NXPE4: variants seen among roughly 807,000 people sequenced by gnomAD.
NXPE4 encodes the protein neurexophilin and PC-esterase domain family member 4, also known as NXPE family member 4.
Under a neutral mutation model 33.3 loss-of-function variants are expected in NXPE4, and 42 were observed. That is an observed-to-expected ratio of 1.26 (90% confidence interval 0.98 to 1.63). The LOEUF (loss-of-function observed/expected upper bound fraction) is 1.63, where lower values mean the gene tolerates loss of function less well. NXPE4 is among the 40% of genes most tolerant of loss of function. The pLI, the probability that NXPE4 is intolerant of heterozygous loss-of-function variation, is 0.00. For synonymous variants in NXPE4, 253 were observed against 234.9 expected, an observed-to-expected ratio of 1.08 and a Z score of -0.71; for missense variants, 709 against 647.6, an observed-to-expected ratio of 1.09 and a Z score of -1.03.
the NXPE4 span, among the ~76,000 whole-genome samples, chr11:114,647,567 T>C: frequency 6.6e-6 from 1 of 152,210 alleles, no homozygotes; most frequent in Admixed American, 6.5e-5. Context: ...AATGTGTCAC[T>C]ACTAGGTTTT....
chr11:114,612,026 G>T, the NXPE4 span, among the ~76,000 whole-genome samples: 127 of 152,070 alleles, frequency 8.4e-4, no homozygotes, highest in Non-Finnish European at 1.5e-3. Flanking sequence ...GGTAACCACT[G>T]TTACCTGGTG....
the NXPE4 span, among the ~76,000 whole-genome samples, chr11:114,661,851 G>A: frequency 5.0e-4 from 76 of 152,192 alleles, no homozygotes; most frequent in Middle Eastern, 3.2e-3. Context: ...AAAAAATTAA[G>A]ATTCTCTGTA....
the NXPE4 span, among the ~76,000 whole-genome samples, chr11:114,615,539 G>A: frequency 4.6e-5 from 7 of 151,396 alleles, no homozygotes; most frequent in Admixed American, 2.6e-4. Flanking sequence ...ACTGTTACCC[G>A]GTGGATAATA....
At chr11:114,662,946 T>C in the NXPE4 span, among the ~76,000 whole-genome samples, 3 of 152,120 alleles carry the variant, frequency 2.0e-5, no homozygotes, top group Non-Finnish European at 4.4e-5. Context: ...AGGCTTGCTC[T>C]CTATAAGTAC....
At chr11:114,626,928 G>A in the NXPE4 span, among the ~76,000 whole-genome samples, 1 of 151,986 alleles carries the variant, frequency 6.6e-6, no homozygotes, top group Non-Finnish European at 1.5e-5. Flanking sequence ...AGTGATGGAA[G>A]ATGAAATGAA....
chr11:114,661,511 A>G, the NXPE4 span, among the ~76,000 whole-genome samples: 189 of 152,288 alleles, frequency 1.2e-3, no homozygotes, highest in African/African-American at 4.3e-3. Context: ...ATTGCAACTG[A>G]TGGACTTCAA....
chr11:114,634,745 C>G, the NXPE4 span, among the ~76,000 whole-genome samples: 233 of 152,002 alleles, frequency 1.5e-3, 2 homozygotes, highest in Middle Eastern at 0.034. Context: ...GCTTGTTTTT[C>G]TCAGGTTTCT....
chr11:114,627,746 C>T, the NXPE4 span, among the ~76,000 whole-genome samples: 1 of 152,086 alleles, frequency 6.6e-6, no homozygotes, highest in African/African-American at 2.4e-5. Flanking sequence ...AGAGTCAAGA[C>T]CCATCAGTGT....
upstream of NXPE4, among the ~76,000 whole-genome samples, chr11:114,599,969 T>C (rs972784711): frequency 5.3e-5 from 8 of 152,120 alleles, no homozygotes; most frequent in Admixed American, 5.2e-4. Context: ...AATAATAGCA[T>C]AAATAAATGG....
the NXPE4 span, among the ~76,000 whole-genome samples, chr11:114,676,683 G>A: frequency 6.6e-6 from 1 of 151,954 alleles, no homozygotes; most frequent in Non-Finnish European, 1.5e-5. Flanking sequence ...CAGCCATTTT[G>A]GATAACAGTA....
the NXPE4 span, among the ~76,000 whole-genome samples, chr11:114,663,643 TC>T: frequency 8.2e-6 from 1 of 121,794 alleles, no homozygotes. Context: ...CTATCATCTA[TC>T]CATCTATCAT....
At chr11:114,638,682 A>AC in the NXPE4 span, among the ~76,000 whole-genome samples, 159 of 152,228 alleles carry the variant, frequency 1.0e-3, 1 homozygote, top group African/African-American at 3.6e-3. Flanking sequence ...TCTTTCTAAC[A>AC]GACAGGACCG....
At chr11:114,639,819 A>G in the NXPE4 span, among the ~76,000 whole-genome samples, 1 of 119,162 alleles carries the variant, frequency 8.4e-6, no homozygotes, top group Non-Finnish European at 1.6e-5. Flanking sequence ...ATAATATAAA[A>G]TATAATATAT....
At chr11:114,652,028 A>C in the NXPE4 span, among the ~76,000 whole-genome samples, 117 of 152,336 alleles carry the variant, frequency 7.7e-4, 1 homozygote, top group East Asian at 0.021. Context: ...TGGAACTCCA[A>C]AGCATTTGTT....
chr11:114,602,219 G>A, the NXPE4 span, among the ~76,000 whole-genome samples: 31 of 103,184 alleles, frequency 3.0e-4, 1 homozygote, highest in East Asian at 8.0e-3. Context: ...TACAATATAT[G>A]TTATAGATTA....
At chr11:114,670,746 T>C in the NXPE4 span, among the ~76,000 whole-genome samples, 1 of 151,828 alleles carries the variant, frequency 6.6e-6, no homozygotes, top group Admixed American at 6.6e-5. Flanking sequence ...TCAAGTTCCA[T>C]AGAGTGGAGA....
intron 2 of NXPE4, among the ~76,000 whole-genome samples, chr11:114,585,481 T>G (rs1949270666): frequency 6.6e-6 from 1 of 152,074 alleles, no homozygotes; most frequent in South Asian, 2.1e-4. Context: ...GGAGTCACTA[T>G]GCTTATATCA....
the NXPE4 span, among the ~76,000 whole-genome samples, chr11:114,654,460 T>G: frequency 1.3e-5 from 2 of 152,030 alleles, no homozygotes; most frequent in South Asian, 2.1e-4. Context: ...ATCTTCTATG[T>G]GCCCTCCCCT....
At chr11:114,665,540 T>G in the NXPE4 span, among the ~76,000 whole-genome samples, 393 of 152,296 alleles carry the variant, frequency 2.6e-3, 1 homozygote, top group Non-Finnish European at 3.6e-3. Context: ...GTTATGTACC[T>G]TTTAAAATAT....
Sources: gnomAD v4.1 joint callset for allele counts (sites outside exome capture counted in the v4.1 genomes callset) on GRCh38, gnomAD v4.1.1 for gene constraint, MANE v1.5 for transcripts, NCBI Gene and HGNC (gene_info 2026-07-23, HGNC 2026-07-21) for gene names.